Variants in CACNG3 observed in about 807,000 individuals in gnomAD.
The protein encoded by CACNG3 is calcium voltage-gated channel auxiliary subunit gamma 3.
In CACNG3, 3 loss-of-function variants were observed where a neutral mutation model predicts 28.5. The observed-to-expected ratio is 0.11, with a 90% CI of 0.05 to 0.27. The LOEUF is 0.27. Ranked by LOEUF, CACNG3 falls within the 10% of genes least tolerant of loss-of-function variation. CACNG3 has a pLI of 1.00. For synonymous variants in CACNG3, 174 were observed against 162.2 expected (o/e 1.07, Z -0.55); for missense variants, 236 against 414.4 (o/e 0.57, Z 3.74).
At chr16:24,278,774 A>G (rs1898783886) in intron 1 of CACNG3, among the ~76,000 whole-genome samples, 2 of 152,238 alleles carry the variant, frequency 1.3e-5, no homozygotes, top group Non-Finnish European at 2.9e-5. Flanking sequence ...CAGAGAGGTT[A>G]AGTAACTGGC....
At chr16:24,336,834 A>T (rs559508899) in intron 1 of CACNG3, among the ~76,000 whole-genome samples, 3 of 151,836 alleles carry the variant, frequency 2.0e-5, no homozygotes, top group Non-Finnish European at 4.4e-5. Flanking sequence ...TTGTTTTGTT[A>T]TATAGAGTCT....
At chr16:24,280,180 G>A (rs1390826516) in intron 1 of CACNG3, among the ~76,000 whole-genome samples, 2 of 152,162 alleles carry the variant, frequency 1.3e-5, no homozygotes. Context: ...ATTGGGTCGT[G>A]GAAAGCCAGT....
intron 1 of CACNG3, among the ~76,000 whole-genome samples, chr16:24,277,919 T>G (rs942252119): frequency 6.6e-6 from 1 of 152,214 alleles, no homozygotes; most frequent in Non-Finnish European, 1.5e-5. Context: ...CTTACTATGT[T>G]GCCCAGGCTG....
At chr16:24,259,306 G>A (rs1045200406) in intron 1 of CACNG3, among the ~76,000 whole-genome samples, 12 of 152,236 alleles carry the variant, frequency 7.9e-5, no homozygotes, top group Admixed American at 5.9e-4. Context: ...AAGCCAAGAT[G>A]TGTACTAAAC....
intron 1 of CACNG3, among the ~76,000 whole-genome samples, chr16:24,328,262 G>A (rs549889913): frequency 7.8e-4 from 119 of 152,042 alleles, no homozygotes; most frequent in African/African-American, 2.7e-3. Context: ...TTACTCAAAT[G>A]CAGGATGGAG....
At chr16:24,269,677 G>GT (rs937925178) in intron 1 of CACNG3, among the ~76,000 whole-genome samples, 8 of 150,218 alleles carry the variant, frequency 5.3e-5, no homozygotes, top group African/African-American at 2.0e-4. Context: ...AACCTGGGAG[G>GT]TGGAGGTTTC....
chr16:24,318,116 G>A (rs1899411548), intron 1 of CACNG3, among the ~76,000 whole-genome samples: 2 of 152,178 alleles, frequency 1.3e-5, no homozygotes, highest in African/African-American at 4.8e-5. Flanking sequence ...AAAGGCAGGA[G>A]CTTTGTCCCT....
At chr16:24,323,914 C>G (rs142076640) in intron 1 of CACNG3, among the ~76,000 whole-genome samples, 1 of 152,140 alleles carries the variant, frequency 6.6e-6, no homozygotes, top group Non-Finnish European at 1.5e-5. Flanking sequence ...ATTACAGGTG[C>G]ACACCACCAC....
At chr16:24,307,832 G>A (rs542049798) in intron 1 of CACNG3, among the ~76,000 whole-genome samples, 11 of 152,264 alleles carry the variant, frequency 7.2e-5, no homozygotes, top group African/African-American at 2.6e-4. Flanking sequence ...CCTGCCTGGT[G>A]GGTAATTTCA....
intron 1 of CACNG3, among the ~76,000 whole-genome samples, chr16:24,295,492 G>T (rs955573728): frequency 6.6e-6 from 1 of 152,146 alleles, no homozygotes; most frequent in Non-Finnish European, 1.5e-5. Context: ...GAGTGATTTT[G>T]CAATTTATGG....
chr16:24,323,947 T>C (rs1423141584), intron 1 of CACNG3, among the ~76,000 whole-genome samples: 1 of 152,214 alleles, frequency 6.6e-6, no homozygotes, highest in African/African-American at 2.4e-5. Flanking sequence ...TGTTTATTTT[T>C]AGTTGAGATG....
chr16:24,284,811 CAA>C (rs756357801), intron 1 of CACNG3, among the ~76,000 whole-genome samples: 8 of 152,080 alleles, frequency 5.3e-5, no homozygotes, highest in Non-Finnish European at 8.8e-5. Context: ...TACTATCCAG[CAA>C]AGTCACTAGA....
intron 1 of CACNG3, among the ~76,000 whole-genome samples, chr16:24,338,136 C>T (rs1392127469): frequency 3.3e-5 from 5 of 152,074 alleles, no homozygotes; most frequent in Non-Finnish European, 7.4e-5. Flanking sequence ...AGTTCACTCT[C>T]GCCCCAGGGT....
rs187393159 is a variant in CACNG3, at chr16:24,300,093, C to T, written c.211+43128C>T. Among the ~76,000 whole-genome samples the T allele has an allele frequency of 6.9e-4, 105 of 152,222 alleles. No individual in the cohort carries two copies. In the South Asian group the frequency reaches 7.9e-3, roughly 11 times the overall value. ...CACCCACTTTGATAACCAGAGACCA[C>T]GAAAATTAAAGAATTCCAGATGGAA... On this transcript the variant is annotated intron_variant, in intron 1 of 3. Transcript: ENST00000005284.
In CACNG3 at chr16:24,345,517, A is replaced by C. The variant is rs11867112; in HGVS notation, c.212-1217A>C. Among the ~76,000 whole-genome samples the C allele has an allele frequency of 5.0e-3, 754 of 152,136 alleles. 6 individuals are homozygous for C. The highest frequency in any genetic ancestry group is 0.017 in the African/African-American group (692 of 41,532). On this transcript the variant is annotated intron_variant, in intron 1 of 3. Transcript: ENST00000005284. ...GGAGTTCGAGATCAGCCTGGTCAAC[A>C]TGGTGAAACCCATCTCTCCTAAAAA...
At chr16:24,278,594 G>C (rs1276391278) in intron 1 of CACNG3, among the ~76,000 whole-genome samples, 1 of 152,030 alleles carries the variant, frequency 6.6e-6, no homozygotes, top group Non-Finnish European at 1.5e-5. Flanking sequence ...CCAGCCTGGC[G>C]ACAGAGGGAG....
At chr16:24,319,131 G>A (rs1320970250) in intron 1 of CACNG3, among the ~76,000 whole-genome samples, 5 of 152,114 alleles carry the variant, frequency 3.3e-5, no homozygotes, top group South Asian at 2.1e-4. Flanking sequence ...AAAAGAAACC[G>A]GGTTGATTTA....
chr16:24,312,982 TAAAA>T (rs1567216164), intron 1 of CACNG3, among the ~76,000 whole-genome samples: 9 of 64,352 alleles, frequency 1.4e-4, no homozygotes, highest in South Asian at 5.4e-4. Flanking sequence ...AAGAAAGAAA[TAAAA>T]GAAAGAAAGA....
At chr16:24,336,835 T>C (rs759317947) in intron 1 of CACNG3, among the ~76,000 whole-genome samples, 15 of 152,016 alleles carry the variant, frequency 9.9e-5, no homozygotes, top group Non-Finnish European at 1.6e-4. Context: ...TGTTTTGTTA[T>C]ATAGAGTCTT....
Sources: allele counts gnomAD v4.1 joint callset (sites outside exome capture counted in the v4.1 genomes callset), GRCh38; gene constraint gnomAD v4.1.1; transcripts MANE v1.5; gene names NCBI Gene and HGNC (gene_info 2026-07-23, HGNC 2026-07-21).